Variants in KLHL14 observed in about 807,000 individuals in gnomAD.
KLHL14 encodes the protein kelch like family member 14.
In KLHL14, 22 loss-of-function variants were observed where a neutral mutation model predicts 64.3. The ratio of observed to expected loss-of-function variants is 0.34; its 90% CI spans 0.24 to 0.49. The LOEUF is 0.49. Among genes scored for constraint, KLHL14 ranks in the 20% least tolerant of loss-of-function variants. KLHL14 has a pLI of 0.99. For synonymous variants in KLHL14, 322 were observed against 333.4 expected, an observed-to-expected ratio of 0.97 and a Z score of 0.37; for missense variants, 661 against 789.0, an observed-to-expected ratio of 0.84 and a Z score of 1.94.
rs1391498444 is a variant in KLHL14, at chr18:32,729,767, C to CT, written c.1069+12160dup. On this transcript the variant is annotated intron_variant, in intron 3 of 8. Transcript: ENST00000359358. ...TGACTTGATTTTGTCTGCAAATAAA[C>CT]TTTTTCTAAATAAGGTCACATTCAT... 3.9e-5 allele frequency among the ~76,000 whole-genome samples: 6 copies of CT among 152,298 alleles called. No individual in the cohort carries two copies. In the East Asian group the frequency reaches 1.2e-3, roughly 29 times the overall value.
At chr18:32,741,876 G>A (rs769539888) in intron 3 of KLHL14, 52 bp downstream of exon 3, 97 of 1,487,478 alleles carry the variant, frequency 6.5e-5, no homozygotes, top group East Asian at 1.0e-4. Context: ...TCAAGACAGC[G>A]CTAACCTGAA....
intron 3 of KLHL14, among the ~76,000 whole-genome samples, chr18:32,733,448 G>T (rs2050147120): frequency 6.6e-6 from 1 of 152,060 alleles, no homozygotes; most frequent in South Asian, 2.1e-4. Context: ...AGCAATCTGA[G>T]AAGTTTATCA....
intron 5 of KLHL14, among the ~76,000 whole-genome samples, chr18:32,685,325 G>T (rs2049871691): frequency 6.6e-6 from 1 of 152,094 alleles, no homozygotes. Flanking sequence ...ATCCTTAGGG[G>T]CTCTACAGTG....
chr18:32,750,753 C>G (rs2050247103), intron 2 of KLHL14, among the ~76,000 whole-genome samples: 1 of 152,108 alleles, frequency 6.6e-6, no homozygotes, highest in South Asian at 2.1e-4. Context: ...TCTCTTCATT[C>G]CAGCTGAGCG....
intron 7 of KLHL14, among the ~76,000 whole-genome samples, chr18:32,679,598 G>C (rs2049828255): frequency 6.6e-6 from 1 of 151,834 alleles, no homozygotes; most frequent in African/African-American, 2.4e-5. Context: ...GGGAAGGAAA[G>C]CTGCCAAAAC....
At chr18:32,677,956 T>C (rs375811113) in intron 7 of KLHL14, among the ~76,000 whole-genome samples, 1 of 152,222 alleles carries the variant, frequency 6.6e-6, no homozygotes, top group Non-Finnish European at 1.5e-5. Context: ...ATTAAAAATA[T>C]GTTGTTCAGC....
intron 2 of KLHL14, among the ~76,000 whole-genome samples, chr18:32,767,914 G>C (rs2050355102): frequency 6.6e-6 from 1 of 152,164 alleles, no homozygotes; most frequent in Non-Finnish European, 1.5e-5. Context: ...TGTATGTTCA[G>C]AACTATAACT....
chr18:32,755,647 C>T (rs1220280848), intron 2 of KLHL14, among the ~76,000 whole-genome samples: 2 of 152,134 alleles, frequency 1.3e-5, no homozygotes, highest in African/African-American at 4.8e-5. Flanking sequence ...TGTTTAGTTC[C>T]ATGATTTTCA....
At chr18:32,736,805 C>G (rs1045533746) in intron 3 of KLHL14, among the ~76,000 whole-genome samples, 5 of 151,988 alleles carry the variant, frequency 3.3e-5, no homozygotes, top group African/African-American at 1.2e-4. Context: ...AATTCCTACC[C>G]ATTTTTTCAG....
At chr18:32,742,108 G>A in intron 2 of KLHL14, 59 bp from the exon 3 acceptor site, 1 of 1,533,104 alleles carries the variant, frequency 6.5e-7, no homozygotes, top group Non-Finnish European at 8.8e-7. Flanking sequence ...CTTTTTAGTG[G>A]CAACGAAATC....
intron 3 of KLHL14, among the ~76,000 whole-genome samples, chr18:32,732,488 T>C (rs1382819458): frequency 2.0e-5 from 3 of 152,184 alleles, no homozygotes; most frequent in South Asian, 2.1e-4. Flanking sequence ...CTTGGGAGGA[T>C]TGCACTTTTC....
intron 3 of KLHL14, among the ~76,000 whole-genome samples, chr18:32,704,678 C>T (rs1037870379): frequency 4.6e-5 from 7 of 151,988 alleles, no homozygotes; most frequent in Admixed American, 3.3e-4. Flanking sequence ...GTCAAGATCG[C>T]GCCATTGCAC....
chr18:32,690,887 T>C (rs748132395), intron 4 of KLHL14, among the ~76,000 whole-genome samples: 1 of 152,152 alleles, frequency 6.6e-6, no homozygotes, highest in African/African-American at 2.4e-5. Context: ...GGTTGAGTAG[T>C]AAATTGAGTT....
At chr18:32,693,413 C>CAGAGAGAGAGAGAGAGAG (rs56135629) in intron 4 of KLHL14, among the ~76,000 whole-genome samples, 65 of 97,022 alleles carry the variant, frequency 6.7e-4, no homozygotes, top group African/African-American at 3.0e-3. Flanking sequence ...CACACACACA[C>CAGAGAGAGAGAGAGAGAG]AGAGAGAGAG....
intron 5 of KLHL14, among the ~76,000 whole-genome samples, chr18:32,686,011 TC>T (rs369687944): frequency 6.8e-6 from 1 of 147,684 alleles, no homozygotes; most frequent in African/African-American, 2.5e-5. Flanking sequence ...CCTTTTTCTT[TC>T]TTTTTTTTTT....
At chr18:32,757,501 GT>G (rs986484956) in intron 2 of KLHL14, among the ~76,000 whole-genome samples, 1 of 152,066 alleles carries the variant, frequency 6.6e-6, no homozygotes, top group African/African-American at 2.4e-5. Context: ...GAGAGCTGCT[GT>G]TTTTTGTTTT....
intron 2 of KLHL14, among the ~76,000 whole-genome samples, chr18:32,765,243 A>AT (rs2144193122): frequency 6.6e-6 from 1 of 152,330 alleles, no homozygotes; most frequent in South Asian, 2.1e-4. Context: ...AAGGTAACAC[A>AT]TTTTTTACTG....
Position 32,770,904 on chromosome 18 carries a change from T to G in KLHL14, c.-43-270A>C. 8.3e-6 allele frequency: 4 copies of G among 479,488 alleles called. No individual in the cohort carries two copies. The highest frequency in any genetic ancestry group is 1.2e-5 in the Non-Finnish European group (3 of 259,522). The allele number at this position is 479,488 out of a possible 1,614,324, so 29.7% of individuals were successfully genotyped here. ...GCTCCTCTCGCCACCTCCCACACAC[T>G]TCGTCCCTCACTTTCCTAAAACCAA... On this transcript the variant is annotated intron_variant, in intron 1 of 8. Coordinates refer to ENST00000359358, the MANE Select transcript of KLHL14 (RefSeq NM_020805.3). This position sits in a 1 kb window ranked among gnomAD's most constrained non-coding sequence, Gnocchi z 6.7.
chr18:32,734,280 C>G (rs1490971274), intron 3 of KLHL14: 1 of 701,846 alleles, frequency 1.4e-6, no homozygotes, highest in Admixed American at 2.0e-5. Flanking sequence ...TTTTAATCAC[C>G]AGTGCAAGAC....
Sources: allele counts gnomAD v4.1 joint callset (sites outside exome capture counted in the v4.1 genomes callset), GRCh38; gene constraint gnomAD v4.1.1; non-coding constraint Gnocchi (gnomAD v3.1); transcripts MANE v1.5; gene names NCBI Gene and HGNC (gene_info 2026-07-23, HGNC 2026-07-21).